The following ACBD6 variants were observed in gnomAD, a reference collection of about 807,000 sequenced individuals.
ACBD6 encodes acyl-CoA-binding domain-containing protein 6.
In ACBD6, 28 loss-of-function variants were observed where a neutral mutation model predicts 37.2. The observed-to-expected ratio is 0.75, with a 90% CI of 0.56 to 1.03. The LOEUF (loss-of-function observed/expected upper bound fraction) is 1.03. Among genes scored for constraint, ACBD6 ranks in the 50% least tolerant of loss-of-function variants. The pLI is 0.00. For synonymous variants in ACBD6, 113 were observed against 126.8 expected, an observed-to-expected ratio of 0.89 and a Z score of 0.73; for missense variants, 340 against 337.4, an observed-to-expected ratio of 1.01 and a Z score of -0.06.
At chr1:180,468,646 G>A (rs983779894) in intron 3 of ACBD6, among the ~76,000 whole-genome samples, 2 of 152,084 alleles carry the variant, frequency 1.3e-5, no homozygotes, top group African/African-American at 4.8e-5. Context: ...TTTTACAAAT[G>A]TCTCACCCTT....
At chr1:180,373,160 ACAT>A (rs772026438) in intron 6 of ACBD6, among the ~76,000 whole-genome samples, 14 of 152,150 alleles carry the variant, frequency 9.2e-5, no homozygotes, top group Non-Finnish European at 1.6e-4. Context: ...TCATCTAGAA[ACAT>A]CATTCAGAAC....
chr1:180,411,950 G>A (rs533861306), intron 5 of ACBD6, among the ~76,000 whole-genome samples: 4 of 152,030 alleles, frequency 2.6e-5, no homozygotes, highest in African/African-American at 4.8e-5. Flanking sequence ...GATTACAGGC[G>A]TGAGCCACCG....
intron 6 of ACBD6, among the ~76,000 whole-genome samples, chr1:180,382,899 A>G (rs191263781): frequency 6.6e-6 from 1 of 152,222 alleles, no homozygotes; most frequent in East Asian, 1.9e-4. Context: ...AACATACACA[A>G]ATTAATAAAT....
At chr1:180,395,401 G>A (rs1654221517) in intron 6 of ACBD6, among the ~76,000 whole-genome samples, 1 of 152,150 alleles carries the variant, frequency 6.6e-6, no homozygotes, top group Non-Finnish European at 1.5e-5. Flanking sequence ...ATAAAGACCA[G>A]AAGATTTGGT....
At position 180,481,680 on chromosome 1, in the gene ACBD6, T is replaced by C. The variant is rs938406605; in HGVS notation, c.384+10589A>G. ...TAAATTAAATAAAGTATTCCCCTTATACTGAGCATAAGTTATGCCCTGGAA... is the reference window on the plus strand; with the variant it reads ...TAAATTAAATAAAGTATTCCCCTTACACTGAGCATAAGTTATGCCCTGGAA... On this transcript the variant is annotated intron_variant, in intron 3 of 7. Transcript: ENST00000367595. Among the ~76,000 whole-genome samples, 4 of 152,114 alleles carry C rather than the reference T, an allele frequency of 2.6e-5. No homozygotes were observed. In the East Asian group the frequency reaches 5.8e-4, roughly 22 times the overall value.
chr1:180,321,472 A>G (rs1651066132), intron 6 of ACBD6, among the ~76,000 whole-genome samples: 2 of 152,062 alleles, frequency 1.3e-5, no homozygotes, highest in South Asian at 4.2e-4. Flanking sequence ...TCTTGCATCA[A>G]TGTTTTGTAG....
chr1:180,469,826 A>C (rs1393212061), intron 3 of ACBD6, among the ~76,000 whole-genome samples: 1 of 152,170 alleles, frequency 6.6e-6, no homozygotes, highest in Non-Finnish European at 1.5e-5. Flanking sequence ...CATATTAATA[A>C]AATACTTGCC....
chr1:180,289,830 C>A (rs1400902922), intron 7 of ACBD6, among the ~76,000 whole-genome samples: 2 of 152,112 alleles, frequency 1.3e-5, no homozygotes, highest in African/African-American at 2.4e-5. Context: ...CATATGATAT[C>A]ATTTCATTTA....
chr1:180,336,040 T>G (rs1014420930), intron 6 of ACBD6, among the ~76,000 whole-genome samples: 41 of 151,740 alleles, frequency 2.7e-4, no homozygotes, highest in African/African-American at 8.7e-4. Context: ...GAAAGAGACT[T>G]AGACTCCCAC....
At chr1:180,400,529 G>A (rs11808535) in intron 5 of ACBD6, among the ~76,000 whole-genome samples, 1,892 of 152,178 alleles carry the variant, frequency 0.012, 19 homozygotes, top group Non-Finnish European at 0.016. Flanking sequence ...AACAAGAGTA[G>A]GATTAAACAT....
intron 3 of ACBD6, among the ~76,000 whole-genome samples, chr1:180,432,553 A>C (rs975301268): frequency 1.3e-5 from 2 of 152,116 alleles, no homozygotes; most frequent in African/African-American, 4.8e-5. Flanking sequence ...AAAATGAGAA[A>C]CCACTACACA....
intron 8 of ACBD6, chr1:180,281,508 T>C (rs373482371): frequency 6.6e-6 from 1 of 152,242 alleles, no homozygotes; most frequent in Non-Finnish European, 1.5e-5. Flanking sequence ...ATGTATTTCC[T>C]AAGATTTGTT....
intron 6 of ACBD6, among the ~76,000 whole-genome samples, chr1:180,357,579 CA>C (rs1277267960): frequency 6.6e-6 from 1 of 151,902 alleles, no homozygotes; most frequent in East Asian, 1.9e-4. Flanking sequence ...CCTCAATAAT[CA>C]AAAAAGGTAA....
chr1:180,426,337 T>C lies in ACBD6; in HGVS notation c.467+3843A>G, dbSNP rs574744278. Reference sequence around the variant, plus strand: ...ACTACATTTTTAATTCTTACCCTAATTTCTCAATTTATGTGCAAACTTCTA... The same window carrying C: ...ACTACATTTTTAATTCTTACCCTAACTTCTCAATTTATGTGCAAACTTCTA... On this transcript the variant is annotated intron_variant, in intron 4 of 7. Coordinates refer to ENST00000367595, the MANE Select transcript of ACBD6 (RefSeq NM_032360.4). Among the ~76,000 whole-genome samples the C allele has an allele frequency of 2.0e-5, 3 of 152,354 alleles. No homozygotes were observed. In the South Asian group the frequency reaches 6.2e-4, roughly 32 times the overall value.
At chr1:180,367,361 G>A (rs890885807) in intron 6 of ACBD6, among the ~76,000 whole-genome samples, 4 of 152,224 alleles carry the variant, frequency 2.6e-5, no homozygotes, top group East Asian at 3.9e-4. Context: ...CCTTCTATCC[G>A]AGGGGGATAC....
intron 6 of ACBD6, among the ~76,000 whole-genome samples, chr1:180,320,984 G>T (rs1482816871): frequency 6.6e-6 from 1 of 152,058 alleles, no homozygotes; most frequent in Non-Finnish European, 1.5e-5. Context: ...GAGAGACAGG[G>T]GTCTAGTTTC....
At chr1:180,459,964 CTTCTTTTTTTTTT>C (rs1227224048) in intron 3 of ACBD6, among the ~76,000 whole-genome samples, 119 of 118,362 alleles carry the variant, frequency 1.0e-3, no homozygotes, top group African/African-American at 3.8e-3. Flanking sequence ...GACCAGACTG[CTTCTTTTTTTTTT>C]TTTTTTTTTT....
intron 6 of ACBD6, among the ~76,000 whole-genome samples, chr1:180,341,317 T>C (rs894343309): frequency 1.3e-5 from 2 of 152,106 alleles, no homozygotes; most frequent in African/African-American, 2.4e-5. Context: ...AAAAAGAATA[T>C]GGATAAGAGA....
At chr1:180,313,026 T>A (rs1452636733) in intron 7 of ACBD6, among the ~76,000 whole-genome samples, 1 of 152,208 alleles carries the variant, frequency 6.6e-6, no homozygotes, top group Non-Finnish European at 1.5e-5. Context: ...TTTGATTTGA[T>A]CATACAGTTT....
Sources: allele counts gnomAD v4.1 joint callset (sites outside exome capture counted in the v4.1 genomes callset), GRCh38; gene constraint gnomAD v4.1.1; transcripts MANE v1.5; gene names NCBI Gene and HGNC (gene_info 2026-07-23, HGNC 2026-07-21).